RASSF3: variants seen among roughly 807,000 people sequenced by gnomAD.
RASSF3 encodes ras association domain-containing protein 3.
Under a neutral mutation model 19.9 loss-of-function variants are expected in RASSF3, and 19 were observed. The ratio of observed to expected loss-of-function variants is 0.96; its 90% CI spans 0.67 to 1.40. The LOEUF (loss-of-function observed/expected upper bound fraction) is 1.40. RASSF3 is among the 40% of genes most tolerant of loss of function. The pLI, the probability that RASSF3 is intolerant of heterozygous loss-of-function variation, is 0.00. For synonymous variants in RASSF3, 110 were observed against 104.2 expected (o/e 1.06, Z -0.34); for missense variants, 306 against 289.8 (o/e 1.06, Z -0.41).
intron 1 of RASSF3, among the ~76,000 whole-genome samples, chr12:64,510,043 C>T (rs374014179): frequency 1.4e-4 from 21 of 149,616 alleles, no homozygotes; most frequent in African/African-American, 4.9e-4. Context: ...GCTGAGATCG[C>T]ACCACTACAC....
intron 1 of RASSF3, among the ~76,000 whole-genome samples, chr12:64,513,803 C>T (rs1287719602): frequency 2.0e-5 from 3 of 152,116 alleles, no homozygotes; most frequent in Non-Finnish European, 2.9e-5. Flanking sequence ...CCAGAGGAAC[C>T]GTGCAGTATC....
chr12:64,693,976 T>C (rs1220105223), intron 4 of RASSF3, among the ~76,000 whole-genome samples: 3 of 152,052 alleles, frequency 2.0e-5, no homozygotes, highest in African/African-American at 7.2e-5. Flanking sequence ...GAGGAAGTTG[T>C]GGAAAGCTGC....
At chr12:64,556,298 G>C (rs952041557) in intron 2 of RASSF3, among the ~76,000 whole-genome samples, 1 of 152,122 alleles carries the variant, frequency 6.6e-6, no homozygotes, top group Non-Finnish European at 1.5e-5. Flanking sequence ...GGGACTGCAG[G>C]CATGCACACC....
chr12:64,552,894 G>A (rs756634328), intron 2 of RASSF3, among the ~76,000 whole-genome samples: 3 of 151,504 alleles, frequency 2.0e-5, no homozygotes, highest in Admixed American at 1.3e-4. Flanking sequence ...TCTGCTCACC[G>A]GCCTCCGTCC....
chr12:64,655,326 C>A (rs542982388), intron 1 of RASSF3, among the ~76,000 whole-genome samples: 1 of 152,154 alleles, frequency 6.6e-6, no homozygotes, highest in East Asian at 1.9e-4. Flanking sequence ...GTTGTGTAAT[C>A]GTCTGTACAT....
chr12:64,655,650 A>G (rs1169004347), intron 1 of RASSF3, among the ~76,000 whole-genome samples: 2 of 152,088 alleles, frequency 1.3e-5, no homozygotes, highest in African/African-American at 4.8e-5. Context: ...CTTCTTTTAA[A>G]TTGTTTTAAT....
At chr12:64,585,101 G>A (rs888088121) in intron 2 of RASSF3, among the ~76,000 whole-genome samples, 8 of 151,968 alleles carry the variant, frequency 5.3e-5, no homozygotes, top group African/African-American at 1.9e-4. Flanking sequence ...GGCCAGGATG[G>A]TCTCAATCTC....
chr12:64,568,522 T>C (rs910234818), intron 2 of RASSF3, among the ~76,000 whole-genome samples: 4 of 152,136 alleles, frequency 2.6e-5, no homozygotes, highest in African/African-American at 7.2e-5. Flanking sequence ...CAACACACCA[T>C]GTGGCGGCAA....
Position 64,586,397 on chromosome 12 carries a change from C to T in RASSF3, c.294+44692C>T, listed in dbSNP as rs578227821. ...CCCACCTACTCAGGAGGTTGACACA[C>T]GAGAATCACTTAAACCTGGGAGGCA... On this transcript the variant is annotated intron_variant, in intron 2 of 5. Transcript: ENST00000637125. 7.1e-5 allele frequency among the ~76,000 whole-genome samples: 10 copies of T among 140,234 alleles called. No homozygotes were observed. In the South Asian group the frequency reaches 8.9e-4, roughly 13 times the overall value. The allele number at this position is 140,234 out of a possible 152,430, so 92.0% of individuals were successfully genotyped here.
chr12:64,521,948 C>T (rs1868487281), intron 1 of RASSF3, among the ~76,000 whole-genome samples: 1 of 152,240 alleles, frequency 6.6e-6, no homozygotes, highest in Non-Finnish European at 1.5e-5. Context: ...GGGAACACAG[C>T]CCTTCTGCTG....
intron 2 of RASSF3, among the ~76,000 whole-genome samples, chr12:64,550,202 A>G (rs1869134086): frequency 6.6e-6 from 1 of 152,134 alleles, no homozygotes; most frequent in South Asian, 2.1e-4. Flanking sequence ...CTAAGGAAAC[A>G]AAGAAGAATG....
chr12:64,514,694 G>A (rs1332042826), intron 1 of RASSF3, among the ~76,000 whole-genome samples: 1 of 152,112 alleles, frequency 6.6e-6, no homozygotes, highest in Non-Finnish European at 1.5e-5. Flanking sequence ...GATCTTCCAG[G>A]CAAGAGTGGG....
At chr12:64,544,976 C>G (rs902056540), downstream of RASSF3, among the ~76,000 whole-genome samples, 2 of 152,182 alleles carry the variant, frequency 1.3e-5, no homozygotes, top group African/African-American at 4.8e-5. Flanking sequence ...TTACACTTGG[C>G]AGGGACACAG....
intron 1 of RASSF3, among the ~76,000 whole-genome samples, chr12:64,636,290 T>A (rs1462886915): frequency 2.0e-5 from 3 of 152,020 alleles, no homozygotes; most frequent in Non-Finnish European, 4.4e-5. Flanking sequence ...AATTTTTATA[T>A]TTTTATTAGA....
chr12:64,579,999 G>T (rs1869664238), intron 2 of RASSF3, among the ~76,000 whole-genome samples: 1 of 151,822 alleles, frequency 6.6e-6, no homozygotes, highest in Admixed American at 6.6e-5. Context: ...TTTTTCAGTA[G>T]AGATGGGGTT....
intron 1 of RASSF3, among the ~76,000 whole-genome samples, chr12:64,511,861 G>A (rs1868330712): frequency 6.6e-6 from 1 of 152,136 alleles, no homozygotes; most frequent in Non-Finnish European, 1.5e-5. Context: ...AGACCTAGCT[G>A]TTTTCAGACA....
At chr12:64,518,060 ACTAT>A (rs759579213) in intron 1 of RASSF3, among the ~76,000 whole-genome samples, 11 of 152,208 alleles carry the variant, frequency 7.2e-5, no homozygotes, top group Admixed American at 2.6e-4. Context: ...TACTTAAAAG[ACTAT>A]CTAGGCAATC....
chr12:64,675,739 G>C (rs928363488), intron 1 of RASSF3, among the ~76,000 whole-genome samples: 1 of 152,026 alleles, frequency 6.6e-6, no homozygotes, highest in Non-Finnish European at 1.5e-5. Context: ...TTAGGGGATG[G>C]GGAGAGGCTG....
chr12:64,558,739 T>C (rs958347332), intron 2 of RASSF3, among the ~76,000 whole-genome samples: 4 of 152,316 alleles, frequency 2.6e-5, no homozygotes, highest in South Asian at 4.1e-4. Context: ...ATATTTGCTG[T>C]GGTATGGCAG....
Sources: allele counts gnomAD v4.1 joint callset (sites outside exome capture counted in the v4.1 genomes callset), GRCh38; gene constraint gnomAD v4.1.1; transcripts MANE v1.5; gene names NCBI Gene and HGNC (gene_info 2026-07-23, HGNC 2026-07-21).